MGAM2: variants seen among roughly 807,000 people sequenced by gnomAD.
The protein encoded by MGAM2 is probable maltase-glucoamylase 2.
Under a neutral mutation model 96.1 loss-of-function variants are expected in MGAM2, and 98 were observed. That is an observed-to-expected ratio of 1.02 (90% confidence interval 0.87 to 1.21). The LOEUF (loss-of-function observed/expected upper bound fraction) is 1.21. Among genes scored for constraint, MGAM2 ranks in the 50% most tolerant of loss-of-function variants. MGAM2 has a pLI of 0.00. For synonymous variants in MGAM2, 749 were observed against 414.8 expected (o/e 1.81, Z -9.79); for missense variants, 2,055 against 1,182.4 (o/e 1.74, Z -10.82).
intron 14 of MGAM2, among the ~76,000 whole-genome samples, chr7:142,146,867 G>A (rs373806500): frequency 2.6e-5 from 4 of 151,918 alleles, no homozygotes; most frequent in South Asian, 4.1e-4. Flanking sequence ...AGCTGGGACT[G>A]TAGGCGCACA....
At chr7:142,216,429 T>G (rs1246486161) in intron 46 of MGAM2, among the ~76,000 whole-genome samples, 1 of 152,204 alleles carries the variant, frequency 6.6e-6, no homozygotes, top group Non-Finnish European at 1.5e-5. Context: ...GATAAATGAA[T>G]TCTTATTTCT....
intron 46 of MGAM2, among the ~76,000 whole-genome samples, chr7:142,216,284 A>G (rs191879680): frequency 4.5e-4 from 68 of 152,326 alleles, no homozygotes; most frequent in African/African-American, 1.6e-3. Context: ...ATGATCTGGA[A>G]GTCCTGAATT....
rs1248177858 is a variant in MGAM2, at chr7:142,148,211, C to T, written c.1634+638C>T. On this transcript the variant is annotated intron_variant, in intron 15 of 47. Transcript: ENST00000477922. The surrounding 1 kb of genome is among the most constrained non-coding windows in gnomAD (Gnocchi z 4.2). ...CCACCATTATTGCCATCACCACCAC[C>T]ATCACTACCACTACTATCACCATCA... Among the ~76,000 whole-genome samples, 1 of 150,704 alleles carries T rather than the reference C, an allele frequency of 6.6e-6. No individual in the cohort carries two copies. The highest frequency in any genetic ancestry group is 1.9e-4 in the East Asian group (1 of 5,176).
chr7:142,132,024 G>A lies in MGAM2; in HGVS notation c.514G>A (p.Val172Met), dbSNP rs568239061. Reference sequence around the variant, plus strand: ...TGATGCCTCCAATTTGAGCTATTACGTGGAGGTTACTGATAAACCTTTCAG... The same window carrying A: ...TGATGCCTCCAATTTGAGCTATTACATGGAGGTTACTGATAAACCTTTCAG... ...IADASNLSYY[V>M]EVTDKPFSIK... The change falls in exon 6 of 48, where the codon GTG (valine) becomes ATG (methionine). Residue 172 changes from valine (V) to methionine (M), a missense_variant. Val to Met is a conservative substitution (Grantham distance 21). Transcript: ENST00000477922. The A allele has an allele frequency of 1.3e-4, 94 of 703,046 alleles. 1 individual carries two copies. Among genetic ancestry groups the A allele is most frequent in the South Asian group, 1.3e-3 (88 of 67,588 alleles). 43.6% of individuals were successfully genotyped at this position (703,046 alleles called of 1,614,324 possible). A position where few individuals can be genotyped will look rare whatever the true frequency, so the allele number is the denominator to read the frequency against.
rs1361257561 is a variant in MGAM2 at position 142,137,521 on chromosome 7, A to G, written c.936A>G (p.Glu312=). ...DFYVFLGNTP[E]QVVQEYLELV... is the part of the protein sequence containing the mutation. ...ACGTATTCCTAGGAAACACTCCAGA[A>G]CAAGTGGTTCAGGAATACTTGGAGG... The change falls in exon 9 of 48, where the codon GAA becomes GAG. Residue 312 remains glutamate (E), a synonymous_variant. Coordinates refer to ENST00000477922, the MANE Select transcript of MGAM2 (RefSeq NM_001293626.2). The G allele has an allele frequency of 1.4e-6, 1 of 701,222 alleles. No individual in the cohort carries two copies. Among genetic ancestry groups the G allele is most frequent in the Non-Finnish European group, 2.6e-6 (1 of 383,948 alleles). The allele number at this position is 701,222 out of a possible 1,614,324, so 43.4% of individuals were successfully genotyped here. A position where few individuals can be genotyped will look rare whatever the true frequency, so the allele number is the denominator to read the frequency against.
chr7:142,209,203 G>A (rs370056454), intron 46 of MGAM2, among the ~76,000 whole-genome samples: 5 of 152,196 alleles, frequency 3.3e-5, no homozygotes, highest in African/African-American at 1.2e-4. Flanking sequence ...GTCTAGGCAC[G>A]GCTTCTTCAT....
At chr7:142,207,051 C>T (rs187120907) in intron 45 of MGAM2, among the ~76,000 whole-genome samples, 147 of 152,158 alleles carry the variant, frequency 9.7e-4, no homozygotes, top group African/African-American at 3.0e-3. Flanking sequence ...TAGAATACTT[C>T]GAGAGTTAGT....
chr7:142,137,005 A>G (rs1423483404), intron 8 of MGAM2, among the ~76,000 whole-genome samples: 1 of 152,156 alleles, frequency 6.6e-6, no homozygotes, highest in Non-Finnish European at 1.5e-5. Flanking sequence ...CTCACAGCCC[A>G]CCCACACTTT....
At chr7:142,127,148 TA>T (rs1467893941) in intron 3 of MGAM2, among the ~76,000 whole-genome samples, 1 of 152,202 alleles carries the variant, frequency 6.6e-6, no homozygotes, top group Non-Finnish European at 1.5e-5. Context: ...ATTACTGTTT[TA>T]GTTTTTATTA....
Position 142,183,303 on chromosome 7 carries a change from C to A in MGAM2, c.3854C>A (p.Pro1285Gln). 1 of 703,544 alleles carries A rather than the reference C, an allele frequency of 1.4e-6. No individual in the cohort carries two copies. The allele number at this position is 703,544 out of a possible 1,614,324, so 43.6% of individuals were successfully genotyped here. ...TCTGGCAATGAGACACAGTATCTCC[C>A]ATTCATTAGAGGACAGGAAAATAAC... ...AISGNETQYL[P>Q]FIRGQENNVF... The change falls in exon 33 of 48, where the codon CCA becomes CAA. Residue 1285 changes from proline to glutamine, a missense_variant. Coordinates refer to ENST00000477922, the MANE Select transcript of MGAM2 (RefSeq NM_001293626.2).
chr7:142,156,356 T>C (rs1795738211), intron 17 of MGAM2, among the ~76,000 whole-genome samples: 3 of 152,246 alleles, frequency 2.0e-5, no homozygotes, highest in African/African-American at 4.8e-5. Flanking sequence ...GTATGCATTT[T>C]ACACTTGTAG....
Position 142,221,489 on chromosome 7 carries a change from T to G in MGAM2, c.6978T>G (p.Thr2326=). ...TTCCAACAAGTAATACATTCACTACTGATAAAATTACTAATTTTACTACCC... is the reference window on the plus strand; with the variant it reads ...TTCCAACAAGTAATACATTCACTACGGATAAAATTACTAATTTTACTACCC... ...SMFPTSNTFT[T]DKITNFTTPT... The change falls in exon 48 of 48, where the codon ACT becomes ACG. Residue 2326 remains threonine (T), a synonymous_variant. Transcript: ENST00000477922. 3.6e-6 allele frequency: 2 copies of G among 549,978 alleles called. No individual in the cohort carries two copies. The highest frequency in any genetic ancestry group is 6.4e-6 in the Non-Finnish European group (2 of 313,044). 34.1% of individuals were successfully genotyped at this position (549,978 alleles called of 1,614,324 possible). A position where few individuals can be genotyped will look rare whatever the true frequency, so the allele number is the denominator to read the frequency against.
At chr7:142,209,403 G>A (rs1797510961) in intron 46 of MGAM2, among the ~76,000 whole-genome samples, 1 of 152,120 alleles carries the variant, frequency 6.6e-6, no homozygotes, top group Admixed American at 6.5e-5. Context: ...AAGGGGTATG[G>A]ATTTGTAAGG....
chr7:142,183,115 CA>C, intron 32 of MGAM2, 150 bp from the exon 33 acceptor site: 1 of 580,706 alleles, frequency 1.7e-6, no homozygotes, highest in Non-Finnish European at 3.1e-6. Context: ...AGACATAAGG[CA>C]AATTATCAAT....
At chr7:142,183,950 CTTTTTTTTTTTTTTTTTTTTTTTTTTTTT>C (rs748299647) in intron 33 of MGAM2, among the ~76,000 whole-genome samples, 1 of 46,112 alleles carries the variant, frequency 2.2e-5, no homozygotes, top group Admixed American at 3.9e-4. Context: ...TTCCAGGCTC[CTTTTTTTTTTTTTTTTTTTTTTTTTTTTT>C]TTTTTTTTTT....
rs2129079724 is a variant in MGAM2, at chr7:142,138,558, T to C, written c.977T>C (p.Phe326Ser). ...TCTTTTCAGCTTGTTGGACGGCCAT[T>C]CTTCCCTCCCTATTGGAGTCTTGGG... ...QEYLELVGRP[F>S]FPPYWSLGFQ... The change falls in exon 10 of 48, where the codon TTC (phenylalanine) becomes TCC (serine). Residue 326 changes from phenylalanine (F) to serine (S), a missense_variant. By Grantham distance (155) the Phe-to-Ser change is radical (BLOSUM62 -2). Coordinates refer to ENST00000477922, the MANE Select transcript of MGAM2 (RefSeq NM_001293626.2). 1.4e-6 allele frequency: 1 copy of C among 703,176 alleles called. No homozygotes were observed. Among genetic ancestry groups the C allele is most frequent in the South Asian group, 1.5e-5 (1 of 67,548 alleles). The allele number at this position is 703,176 out of a possible 1,614,324, so 43.6% of individuals were successfully genotyped here.
chr7:142,189,279 T>C (rs1452279544), intron 36 of MGAM2, 88 bp from the exon 37 acceptor site: 10 of 560,328 alleles, frequency 1.8e-5, no homozygotes. Flanking sequence ...AAGTTGTTGA[T>C]TGAAGTAAAG....
chr7:142,122,507 A>G (rs977423030), intron 3 of MGAM2, among the ~76,000 whole-genome samples: 2 of 152,218 alleles, frequency 1.3e-5, no homozygotes, highest in African/African-American at 4.8e-5. Flanking sequence ...ATCTTATGAC[A>G]TTTCCCAATA....
rs1020074202 is a variant in MGAM2, at chr7:142,147,520, T to G, written c.1581T>G (p.Leu527=). The change falls in exon 15 of 48, where the codon CTT becomes CTG. Residue 527 remains leucine, a synonymous_variant. Coordinates refer to ENST00000477922, the MANE Select transcript of MGAM2 (RefSeq NM_001293626.2). ...LCMDTEFHGG[L]HYDIHSLYGH... is the part of the protein sequence containing the mutation. ...TGGACACGGAGTTTCATGGGGGCCT[T>G]CATTATGACATCCACAGCTTGTATG... The G allele has an allele frequency of 4.3e-6, 3 of 702,924 alleles. No individual in the cohort carries two copies. Among genetic ancestry groups the G allele is most frequent in the Middle Eastern group, 2.3e-4 (1 of 4,370 alleles). 43.5% of individuals were successfully genotyped at this position (702,924 alleles called of 1,614,324 possible).
Sources: allele counts gnomAD v4.1 joint callset (sites outside exome capture counted in the v4.1 genomes callset), GRCh38; gene constraint gnomAD v4.1.1; non-coding constraint Gnocchi (gnomAD v3.1); transcripts MANE v1.5; gene names NCBI Gene and HGNC (gene_info 2026-07-23, HGNC 2026-07-21).